The following WWOX variants were observed in gnomAD, a reference collection of about 807,000 sequenced individuals.
WWOX encodes WW domain-containing oxidoreductase.
A neutral mutation model predicts 46.2 loss-of-function variants in WWOX; 69 were observed. The observed-to-expected ratio is 1.49, with a 90% confidence interval of 1.23 to 1.82. The LOEUF is 1.82. Among genes scored for constraint, WWOX ranks in the 40% most tolerant of loss-of-function variants. The pLI is 0.00. For synonymous variants in WWOX, 359 were observed against 202.6 expected (o/e 1.77, Z -6.56); for missense variants, 919 against 542.6 (o/e 1.69, Z -6.89).
rs200755516 is a variant in WWOX, at chr16:78,340,027, GGGGAC to G, written c.517-46831_517-46827del. On this transcript the variant is annotated intron_variant, in intron 5 of 8. Transcript: ENST00000566780. Reference sequence around the variant, plus strand: ...TTTCCATGGATTTGGTGGGGGGGGGGGGGACGTTTCTATTTCCTTTATGTTTGATA... The same window carrying G: ...TTTCCATGGATTTGGTGGGGGGGGGGGTTTCTATTTCCTTTATGTTTGATA... 3.6e-4 allele frequency among the ~76,000 whole-genome samples: 15 copies of G among 41,830 alleles called. 2 individuals carry two copies. Among genetic ancestry groups the G allele is most frequent in the East Asian group, 3.4e-3 (7 of 2,042 alleles). 27.4% of individuals were successfully genotyped at this position (41,830 alleles called of 152,430 possible).
chr16:78,709,186 G>C (rs1042666292), intron 8 of WWOX, among the ~76,000 whole-genome samples: 3 of 152,202 alleles, frequency 2.0e-5, no homozygotes, highest in Admixed American at 6.5e-5. Flanking sequence ...GAGGGGTTCT[G>C]TGTGTGTGGA....
At chr16:78,888,276 C>G (rs925638836) in intron 8 of WWOX, among the ~76,000 whole-genome samples, 1 of 152,166 alleles carries the variant, frequency 6.6e-6, no homozygotes. Flanking sequence ...CTTGAGAACC[C>G]ACTTTGGGCT....
At chr16:78,694,466 C>G (rs546806301) in intron 8 of WWOX, among the ~76,000 whole-genome samples, 2 of 152,140 alleles carry the variant, frequency 1.3e-5, no homozygotes, top group Admixed American at 6.5e-5. Flanking sequence ...TCAGACACCA[C>G]GTCAGTCTTG....
At chr16:79,162,412 C>T (rs2050504669) in intron 8 of WWOX, among the ~76,000 whole-genome samples, 2 of 152,166 alleles carry the variant, frequency 1.3e-5, no homozygotes, top group African/African-American at 2.4e-5. Context: ...TTGCCTGATT[C>T]AAGTTAGGGG....
chr16:78,804,204 C>T (rs746653826), intron 8 of WWOX, among the ~76,000 whole-genome samples: 26 of 151,950 alleles, frequency 1.7e-4, no homozygotes, highest in Non-Finnish European at 3.4e-4. Context: ...AACTGCAGTC[C>T]CTCCTCTATG....
chr16:78,992,083 CA>C (rs2046898524), intron 8 of WWOX, among the ~76,000 whole-genome samples: 1 of 152,180 alleles, frequency 6.6e-6, no homozygotes, highest in South Asian at 2.1e-4. Flanking sequence ...TTGGAATCTA[CA>C]CACCTGTGAT....
At chr16:78,771,773 CAATA>C (rs60862470) in intron 8 of WWOX, among the ~76,000 whole-genome samples, 95,772 of 144,182 alleles carry the variant, frequency 0.66, 32,390 homozygotes, top group Non-Finnish European at 0.73. Context: ...CTCTGTCTCA[CAATA>C]AATAAATAAA....
intron 8 of WWOX, among the ~76,000 whole-genome samples, chr16:79,083,763 T>G (rs1405225128): frequency 6.6e-6 from 1 of 152,206 alleles, no homozygotes; most frequent in Non-Finnish European, 1.5e-5. Context: ...GGGAGCCGTG[T>G]GGAGCTCCGG....
chr16:78,266,397 G>T (rs1244760346), intron 5 of WWOX, among the ~76,000 whole-genome samples: 3 of 152,184 alleles, frequency 2.0e-5, no homozygotes, highest in Non-Finnish European at 4.4e-5. Context: ...AAGTTGAGTA[G>T]TTGGGATGGA....
intron 8 of WWOX, chr16:79,004,183 G>A (rs943994225): frequency 6.6e-6 from 1 of 152,166 alleles, no homozygotes; most frequent in African/African-American, 2.4e-5. Context: ...GGTTTTGTTT[G>A]ATCTAGTCCC....
At chr16:78,516,553 A>G (rs1202847180) in intron 8 of WWOX, among the ~76,000 whole-genome samples, 2 of 152,158 alleles carry the variant, frequency 1.3e-5, no homozygotes, top group Non-Finnish European at 2.9e-5. Context: ...TGATGTTGGA[A>G]TCTTTAAAAT....
At chr16:78,907,238 G>T (rs576720249) in intron 8 of WWOX, among the ~76,000 whole-genome samples, 1 of 152,156 alleles carries the variant, frequency 6.6e-6, no homozygotes, top group African/African-American at 2.4e-5. Context: ...TGGGTGGGGG[G>T]CAGGGCACAG....
At chr16:78,947,847 T>G (rs2045979326) in intron 8 of WWOX, among the ~76,000 whole-genome samples, 1 of 152,180 alleles carries the variant, frequency 6.6e-6, no homozygotes, top group Non-Finnish European at 1.5e-5. Flanking sequence ...CAAAATAAAA[T>G]ATCCCAGAGT....
intron 8 of WWOX, among the ~76,000 whole-genome samples, chr16:78,562,847 C>T (rs1414879795): frequency 6.6e-6 from 1 of 152,194 alleles, no homozygotes; most frequent in African/African-American, 2.4e-5. Flanking sequence ...ACGGAGTCAT[C>T]ACATCCCATA....
chr16:78,994,453 C>A (rs1053482737), intron 8 of WWOX: 1 of 152,090 alleles, frequency 6.6e-6, no homozygotes, highest in Non-Finnish European at 1.5e-5. Context: ...TAACAGGGAG[C>A]CCTGACTGAA....
At chr16:78,714,251 T>G (rs1431098654) in intron 8 of WWOX, among the ~76,000 whole-genome samples, 1 of 152,138 alleles carries the variant, frequency 6.6e-6, no homozygotes, top group African/African-American at 2.4e-5. Context: ...GAAAGAAGTT[T>G]AACGGACTCA....
At chr16:78,565,705 C>T (rs1179978319) in intron 8 of WWOX, among the ~76,000 whole-genome samples, 1 of 152,194 alleles carries the variant, frequency 6.6e-6, no homozygotes, top group Non-Finnish European at 1.5e-5. Context: ...TACTCTACCA[C>T]AACCACTAAT....
At position 78,191,117 on chromosome 16, in the gene WWOX, C is replaced by T. The variant is rs74027920; in HGVS notation, c.516+26828C>T. 5.5e-3 allele frequency among the ~76,000 whole-genome samples: 836 copies of T among 152,286 alleles called. 6 individuals carry two copies. The highest frequency in any genetic ancestry group is 0.019 in the African/African-American group (791 of 41,556). On this transcript the variant is annotated intron_variant, in intron 5 of 8. Coordinates refer to ENST00000566780, the MANE Select transcript of WWOX (RefSeq NM_016373.4). ...AGGACTAGACCAGGCAAGATGATGCCGCTGGACCACTGGATCCAGCTGGAC... is the reference window on the plus strand; with the variant it reads ...AGGACTAGACCAGGCAAGATGATGCTGCTGGACCACTGGATCCAGCTGGAC...
intron 4 of WWOX, among the ~76,000 whole-genome samples, chr16:78,151,092 G>A (rs9745781): frequency 0.63 from 94,945 of 150,174 alleles, 30,089 homozygotes; most frequent in East Asian, 0.75. Context: ...GTCCAGGCTG[G>A]TCTCAAACCC....
Sources: allele counts gnomAD v4.1 joint callset (sites outside exome capture counted in the v4.1 genomes callset), GRCh38; gene constraint gnomAD v4.1.1; transcripts MANE v1.5; gene names NCBI Gene and HGNC (gene_info 2026-07-23, HGNC 2026-07-21).